CFAP61: variants seen among roughly 807,000 people sequenced by gnomAD.
The protein encoded by CFAP61 is cilia- and flagella-associated protein 61.
A neutral mutation model predicts 135.6 loss-of-function variants in CFAP61; 107 were observed. The ratio of observed to expected loss-of-function variants is 0.79; its 90% confidence interval spans 0.67 to 0.93. The LOEUF is 0.93. Ranked by LOEUF, CFAP61 falls within the 40% of genes least tolerant of loss-of-function variation. The probability of loss-of-function intolerance (pLI) is 0.00; values close to 1 mark genes in which losing one functional copy is unlikely to be tolerated. For synonymous variants in CFAP61, 575 were observed against 578.5 expected (o/e 0.99, Z 0.09); for missense variants, 1,507 against 1,556.2 (o/e 0.97, Z 0.53).
chr20:20,231,929 G>A (rs917842590), intron 18 of CFAP61, among the ~76,000 whole-genome samples: 1 of 152,132 alleles, frequency 6.6e-6, no homozygotes, highest in Admixed American at 6.5e-5. Context: ...TTGGTGGGTT[G>A]TGTTCATTTG....
chr20:20,340,404 G>A (rs918564215), intron 25 of CFAP61, among the ~76,000 whole-genome samples: 1 of 151,996 alleles, frequency 6.6e-6, no homozygotes, highest in Non-Finnish European at 1.5e-5. Flanking sequence ...GGCTTTTTAG[G>A]GCAGTGACGC....
chr20:20,128,761 A>G (rs1334568744), intron 8 of CFAP61, among the ~76,000 whole-genome samples: 2 of 151,636 alleles, frequency 1.3e-5, no homozygotes, highest in Non-Finnish European at 2.9e-5. Flanking sequence ...TTTTTAGTGT[A>G]TCTATGATAG....
intron 8 of CFAP61, among the ~76,000 whole-genome samples, chr20:20,121,092 T>G (rs1414026141): frequency 1.3e-5 from 2 of 150,366 alleles, no homozygotes; most frequent in African/African-American, 4.9e-5. Flanking sequence ...GCTCTATGTC[T>G]TTTATTTTTA....
chr20:20,307,590 G>A (rs2056553471), intron 25 of CFAP61, among the ~76,000 whole-genome samples: 1 of 152,060 alleles, frequency 6.6e-6, no homozygotes, highest in South Asian at 2.1e-4. Context: ...AAAATGCAGT[G>A]CTTCTTTTAA....
At chr20:20,134,522 C>A (rs2146728389) in intron 8 of CFAP61, among the ~76,000 whole-genome samples, 1 of 152,254 alleles carries the variant, frequency 6.6e-6, no homozygotes, top group East Asian at 1.9e-4. Flanking sequence ...AATTAGAATG[C>A]ATTACATGCT....
chr20:20,295,815 C>T (rs1345272821), intron 24 of CFAP61, among the ~76,000 whole-genome samples: 5 of 150,982 alleles, frequency 3.3e-5, no homozygotes, highest in East Asian at 2.0e-4. Flanking sequence ...AGGAAACACA[C>T]GGGAATGAGC....
At chr20:20,065,818 C>T (rs1254522265) in intron 2 of CFAP61, among the ~76,000 whole-genome samples, 6 of 152,022 alleles carry the variant, frequency 3.9e-5, no homozygotes, top group African/African-American at 9.7e-5. Context: ...AGCACAGTGG[C>T]GATCGGGGGG....
intron 20 of CFAP61, chr20:20,253,184 TC>T (rs2051125829): frequency 7.4e-6 from 1 of 135,424 alleles, no homozygotes; most frequent in Non-Finnish European, 1.6e-5. Flanking sequence ...CTTCCTTCCT[TC>T]TTTTTTCCTT....
intron 26 of CFAP61, among the ~76,000 whole-genome samples, chr20:20,356,139 A>AGG (rs1437157275): frequency 3.4e-5 from 2 of 58,640 alleles, no homozygotes; most frequent in African/African-American, 1.2e-4. Flanking sequence ...TCACACTGAG[A>AGG]GGAGGTGGTC....
intron 7 of CFAP61, among the ~76,000 whole-genome samples, chr20:20,093,045 A>G (rs928086936): frequency 6.6e-6 from 1 of 152,266 alleles, no homozygotes; most frequent in African/African-American, 2.4e-5. Context: ...ATAATAGCCA[A>G]AAAGTGGAGA....
At chr20:20,233,376 C>G (rs944385329) in intron 18 of CFAP61, among the ~76,000 whole-genome samples, 1 of 152,214 alleles carries the variant, frequency 6.6e-6, no homozygotes, top group African/African-American at 2.4e-5. Flanking sequence ...GTGTGCGCCT[C>G]GCAATTGCCC....
At chr20:20,317,530 C>T (rs928557232) in intron 25 of CFAP61, among the ~76,000 whole-genome samples, 5 of 152,196 alleles carry the variant, frequency 3.3e-5, no homozygotes, top group Non-Finnish European at 5.9e-5. Flanking sequence ...TCACCTTCTT[C>T]GCAAACCTTA....
chr20:20,176,279 G>T (rs1321547274), intron 13 of CFAP61, among the ~76,000 whole-genome samples: 2 of 152,120 alleles, frequency 1.3e-5, no homozygotes, highest in African/African-American at 2.4e-5. Flanking sequence ...TCCAACCATT[G>T]TGGAAGACAG....
chr20:20,202,270 A>T (rs563232681), intron 17 of CFAP61, among the ~76,000 whole-genome samples: 1 of 152,268 alleles, frequency 6.6e-6, no homozygotes, highest in Non-Finnish European at 1.5e-5. Context: ...GGAGGATTCT[A>T]ACACAGATGC....
chr20:20,287,246 C>T (rs907350164), intron 22 of CFAP61, among the ~76,000 whole-genome samples: 2 of 152,084 alleles, frequency 1.3e-5, no homozygotes, highest in African/African-American at 4.8e-5. Flanking sequence ...GATTAGACAA[C>T]TAGGTGAATA....
At chr20:20,159,592 T>C (rs6112798) in intron 10 of CFAP61, 148 bp downstream of exon 10, 83,766 of 658,022 alleles carry the variant, frequency 0.13, 6,274 homozygotes, top group Non-Finnish European at 0.15. Flanking sequence ...TAGGACTTGC[T>C]GCACCAAGCC....
In CFAP61 at chr20:20,090,971, T is replaced by C; in HGVS notation, c.694T>C (p.Cys232Arg). The C allele has an allele frequency of 1.2e-6, 2 of 1,614,092 alleles. No homozygotes were observed. Among genetic ancestry groups the C allele is most frequent in the Non-Finnish European group, 8.5e-7 (1 of 1,179,982 alleles). Residue 232 changes from cysteine (C) to arginine (R), a missense_variant, in exon 7 of 27, where the codon TGT becomes CGT. Coordinates refer to ENST00000245957, the MANE Select transcript of CFAP61 (RefSeq NM_015585.4). ...AGATGAAGAGAATCATGCTGTTGTGTGTGAGGTCAGTGACTGATTCATGTG... is the reference window on the plus strand; with the variant it reads ...AGATGAAGAGAATCATGCTGTTGTGCGTGAGGTCAGTGACTGATTCATGTG... ...AQDEENHAVVCEVEGTAVGFM... is the reference protein window; with the variant it reads ...AQDEENHAVVREVEGTAVGFM...
chr20:20,123,711 C>T lies in CFAP61; in HGVS notation c.860-19146C>T, dbSNP rs184801622. Among the ~76,000 whole-genome samples the T allele has an allele frequency of 1.1e-3, 171 of 151,676 alleles. 5 individuals carry two copies. Among genetic ancestry groups the T allele is most frequent in the African/African-American group, 3.8e-3 (158 of 41,118 alleles). ...TTTGCTTAGTCTTGCTTTGGCTATG[C>T]GGGCTCTTTTTTGGTTCCATATGAA... On this transcript the variant is annotated intron_variant, in intron 8 of 26. Coordinates refer to ENST00000245957, the MANE Select transcript of CFAP61 (RefSeq NM_015585.4).
At chr20:20,086,263 C>A (rs1428530851) in intron 6 of CFAP61, among the ~76,000 whole-genome samples, 1 of 149,686 alleles carries the variant, frequency 6.7e-6, no homozygotes, top group African/African-American at 2.5e-5. Context: ...TGTGCTGCAC[C>A]CATTAACTCA....
Sources: allele counts gnomAD v4.1 joint callset (sites outside exome capture counted in the v4.1 genomes callset), GRCh38; gene constraint gnomAD v4.1.1; transcripts MANE v1.5; gene names NCBI Gene and HGNC (gene_info 2026-07-23, HGNC 2026-07-21).